Variants in INPP4B observed in about 807,000 individuals in gnomAD.
INPP4B encodes the protein inositol polyphosphate 4-phosphatase type II.
A neutral mutation model predicts 122.5 loss-of-function variants in INPP4B; 55 were observed. The observed-to-expected ratio is 0.45, with a 90% CI of 0.36 to 0.56. The LOEUF (loss-of-function observed/expected upper bound fraction) is 0.56. Ranked by LOEUF, INPP4B falls within the 20% of genes least tolerant of loss-of-function variation. The pLI, the probability that INPP4B is intolerant of heterozygous loss-of-function variation, is 0.00. For missense variants in INPP4B, 1,000 were observed against 1,097.7 expected (o/e 0.91, Z 1.26); for synonymous variants, 403 against 388.7 (o/e 1.04, Z -0.43).
intron 1 of INPP4B, among the ~76,000 whole-genome samples, chr4:142,752,724 T>G (rs964818139): frequency 6.6e-6 from 1 of 152,090 alleles, no homozygotes; most frequent in Non-Finnish European, 1.5e-5. Flanking sequence ...TATCAGTTAC[T>G]AGCGGCCTGA....
At chr4:142,271,208 G>A (rs1378668318) in intron 9 of INPP4B, among the ~76,000 whole-genome samples, 1 of 152,122 alleles carries the variant, frequency 6.6e-6, no homozygotes, top group East Asian at 1.9e-4. Context: ...CTCCCAAAGT[G>A]CTGGGATTAC....
intron 1 of INPP4B, among the ~76,000 whole-genome samples, chr4:142,835,747 T>C (rs1327340279): frequency 6.6e-6 from 1 of 152,240 alleles, no homozygotes; most frequent in African/African-American, 2.4e-5. Context: ...TTTAAGAAAT[T>C]AACTATTATT....
chr4:142,293,205 A>AT (rs1757188235), intron 9 of INPP4B, among the ~76,000 whole-genome samples: 1 of 151,754 alleles, frequency 6.6e-6, no homozygotes, highest in East Asian at 1.9e-4. Flanking sequence ...CGCCCGGCTG[A>AT]TTTTTTGTAT....
At chr4:142,462,399 A>T (rs1389305143) in intron 3 of INPP4B, among the ~76,000 whole-genome samples, 10 of 152,168 alleles carry the variant, frequency 6.6e-5, no homozygotes, top group Non-Finnish European at 1.5e-5. Flanking sequence ...TTTAATAATA[A>T]GTAATAATAT....
chr4:142,194,465 T>A (rs959758314), intron 14 of INPP4B, among the ~76,000 whole-genome samples: 5 of 152,170 alleles, frequency 3.3e-5, no homozygotes, highest in Admixed American at 3.3e-4. Flanking sequence ...TTCTATGTCA[T>A]GGAAAGGCAT....
At chr4:142,265,392 A>G (rs903154466) in intron 10 of INPP4B, among the ~76,000 whole-genome samples, 3 of 152,192 alleles carry the variant, frequency 2.0e-5, no homozygotes, top group Non-Finnish European at 4.4e-5. Flanking sequence ...TTCTCTTTCC[A>G]TAATGATAGT....
intron 2 of INPP4B, among the ~76,000 whole-genome samples, chr4:142,490,802 A>T (rs185470748): frequency 6.6e-6 from 1 of 152,222 alleles, no homozygotes; most frequent in East Asian, 1.9e-4. Flanking sequence ...TATAAAAGAG[A>T]TCATGCATGC....
At chr4:142,118,148 A>G (rs1235096770) in intron 21 of INPP4B, among the ~76,000 whole-genome samples, 3 of 152,216 alleles carry the variant, frequency 2.0e-5, no homozygotes, top group Non-Finnish European at 4.4e-5. Flanking sequence ...AAAAGAGGAC[A>G]CAAACAAATG....
chr4:142,489,843 G>C (rs1297917170), intron 2 of INPP4B, among the ~76,000 whole-genome samples: 2 of 152,122 alleles, frequency 1.3e-5, no homozygotes, highest in Non-Finnish European at 2.9e-5. Context: ...GAATAGTTAT[G>C]ACATCTGATA....
chr4:142,406,160 T>G (rs76249666), intron 5 of INPP4B, among the ~76,000 whole-genome samples: 2,360 of 152,218 alleles, frequency 0.016, 63 homozygotes, highest in African/African-American at 0.054. Flanking sequence ...AAATAATAAT[T>G]TTACTCCCTT....
At chr4:142,345,581 G>C (rs1042697049) in intron 7 of INPP4B, among the ~76,000 whole-genome samples, 4 of 151,920 alleles carry the variant, frequency 2.6e-5, no homozygotes, top group Admixed American at 1.3e-4. Flanking sequence ...GCACATACTT[G>C]GTGGGAAACC....
rs185089698 is a variant in INPP4B, at chr4:142,467,106, G to A, written c.-190-4380C>T. On this transcript the variant is annotated intron_variant, in intron 2 of 25. Coordinates refer to ENST00000262992, the MANE Select transcript of INPP4B (RefSeq NM_001101669.3). ...AAACTTTACTAGGGCAATGCGGAGG[G>A]GAAATGTGGGATTGGAGACCCACAA... Among the ~76,000 whole-genome samples the A allele has an allele frequency of 5.8e-4, 88 of 152,346 alleles. 3 individuals are homozygous for A. In the East Asian group the frequency reaches 0.015, roughly 26 times the overall value.
intron 11 of INPP4B, among the ~76,000 whole-genome samples, chr4:142,248,660 G>T (rs1272900663): frequency 5.3e-5 from 8 of 151,314 alleles, no homozygotes; most frequent in Non-Finnish European, 1.0e-4. Context: ...GTATGTGTGT[G>T]TGTGTGTGTA....
At chr4:142,612,368 T>A (rs935784366) in intron 2 of INPP4B, among the ~76,000 whole-genome samples, 6 of 152,202 alleles carry the variant, frequency 3.9e-5, no homozygotes. Flanking sequence ...TAACACATAG[T>A]GTGTAGAGAC....
chr4:142,428,283 T>A (rs1465823372), intron 5 of INPP4B, among the ~76,000 whole-genome samples: 1 of 151,124 alleles, frequency 6.6e-6, no homozygotes, highest in Non-Finnish European at 1.5e-5. Flanking sequence ...CTTTAGAAAA[T>A]ATATATATTA....
chr4:142,179,592 T>A (rs1366063841), intron 15 of INPP4B, among the ~76,000 whole-genome samples: 1 of 55,580 alleles, frequency 1.8e-5, no homozygotes, highest in African/African-American at 6.8e-5. Flanking sequence ...TTGCTGAAAA[T>A]TCCCCCTCTA....
intron 11 of INPP4B, among the ~76,000 whole-genome samples, chr4:142,256,895 A>G (rs1736473980): frequency 6.6e-6 from 1 of 152,190 alleles, no homozygotes; most frequent in African/African-American, 2.4e-5. Flanking sequence ...GGGCAGAGAC[A>G]CAACCAAAAA....
chr4:142,793,910 A>G (rs1202001063), intron 1 of INPP4B, among the ~76,000 whole-genome samples: 3 of 151,968 alleles, frequency 2.0e-5, no homozygotes, highest in Non-Finnish European at 4.4e-5. Context: ...ATTAAAGGAA[A>G]CTAAACAAAT....
At chr4:142,160,981 T>G (rs903932221) in intron 16 of INPP4B, among the ~76,000 whole-genome samples, 1 of 152,016 alleles carries the variant, frequency 6.6e-6, no homozygotes, top group African/African-American at 2.4e-5. Flanking sequence ...CCGCAATTAC[T>G]TTTGCACCAG....
Sources: gnomAD v4.1 joint callset for allele counts (sites outside exome capture counted in the v4.1 genomes callset) on GRCh38, gnomAD v4.1.1 for gene constraint, MANE v1.5 for transcripts, NCBI Gene and HGNC (gene_info 2026-07-23, HGNC 2026-07-21) for gene names.